Variants in ZBTB20 observed in about 807,000 individuals in gnomAD.
The protein encoded by ZBTB20 is zinc finger and BTB domain containing 20.
ZBTB20 carries 9 observed loss-of-function variants against 56.9 expected under a neutral mutation model. That is an observed-to-expected ratio of 0.16 (90% confidence interval 0.10 to 0.28). The LOEUF (loss-of-function observed/expected upper bound fraction) is 0.28. Ranked by LOEUF, ZBTB20 falls within the 10% of genes least tolerant of loss-of-function variation. The probability of loss-of-function intolerance (pLI) is 1.00; values close to 1 mark genes in which losing one functional copy is unlikely to be tolerated. For missense variants in ZBTB20, 655 were observed against 1,003.0 expected, an observed-to-expected ratio of 0.65 and a Z score of 4.69; for synonymous variants, 417 against 420.7, an observed-to-expected ratio of 0.99 and a Z score of 0.11.
At chr3:114,887,115 T>C (rs1255339004) in intron 4 of ZBTB20, among the ~76,000 whole-genome samples, 1 of 152,006 alleles carries the variant, frequency 6.6e-6, no homozygotes, top group Non-Finnish European at 1.5e-5. Flanking sequence ...AAGCTACCAG[T>C]CCCATTCCCA....
At chr3:114,806,076 C>T (rs2072081930) in intron 4 of ZBTB20, among the ~76,000 whole-genome samples, 1 of 151,834 alleles carries the variant, frequency 6.6e-6, no homozygotes, top group African/African-American at 2.4e-5. Flanking sequence ...TAAAATACGT[C>T]TCTGTGTGGA....
chr3:114,567,670 C>G (rs372684277), intron 6 of ZBTB20, among the ~76,000 whole-genome samples: 2 of 152,250 alleles, frequency 1.3e-5, no homozygotes, highest in South Asian at 4.1e-4. Context: ...CATATAACCC[C>G]TACATCACAC....
chr3:114,619,352 C>T (rs2702171), intron 6 of ZBTB20, among the ~76,000 whole-genome samples: 2,494 of 151,460 alleles, frequency 0.016, 69 homozygotes, highest in African/African-American at 0.058. Context: ...AATAAAGAGA[C>T]GAAAAGGAAT....
chr3:114,388,618 C>G (rs572497570), intron 8 of ZBTB20: 1 of 152,232 alleles, frequency 6.6e-6, no homozygotes, highest in Non-Finnish European at 1.5e-5. Flanking sequence ...ACAGATTTGA[C>G]CAGGGTGGCA....
intron 4 of ZBTB20, among the ~76,000 whole-genome samples, chr3:114,824,730 T>C (rs2073432935): frequency 6.6e-6 from 1 of 151,794 alleles, no homozygotes; most frequent in Non-Finnish European, 1.5e-5. Context: ...AAATAGAAGC[T>C]CAGAGAGCTA....
intron 5 of ZBTB20, among the ~76,000 whole-genome samples, chr3:114,778,184 A>G (rs1029269282): frequency 8.7e-5 from 13 of 150,168 alleles, no homozygotes; most frequent in African/African-American, 3.2e-4. Flanking sequence ...AACATGGCAC[A>G]TGTGTACATA....
rs1340417603 is a variant in ZBTB20 at position 114,333,055 on chromosome 3, CT to C, written c.*5949del. On this transcript the variant is annotated 3_prime_UTR_variant, in exon 12 of 12. Coordinates refer to ENST00000675478, the MANE Select transcript of ZBTB20 (RefSeq NM_001348800.3). ...ATCGGCTAAGGTACATTGCTGACTG[CT>C]ATAGACTCAGTGTTCAAGGAGAAAA... 2 of 152,170 alleles carry C rather than the reference CT, an allele frequency of 1.3e-5. No homozygotes were observed. The highest frequency in any genetic ancestry group is 4.8e-5 in the African/African-American group (2 of 41,428). The allele number at this position is 152,170 out of a possible 1,614,324, so 9.4% of individuals were successfully genotyped here. A position where few individuals can be genotyped will look rare whatever the true frequency, so the allele number is the denominator to read the frequency against.
At chr3:114,749,590 AGG>A (rs2067398645) in intron 5 of ZBTB20, among the ~76,000 whole-genome samples, 1 of 151,260 alleles carries the variant, frequency 6.6e-6, no homozygotes, top group Admixed American at 6.6e-5. Context: ...GAAGGAAGGA[AGG>A]AAGGAAGGAA....
chr3:115,024,970 G>T (rs1345440154), intron 2 of ZBTB20, among the ~76,000 whole-genome samples: 1 of 150,868 alleles, frequency 6.6e-6, no homozygotes, highest in Non-Finnish European at 1.5e-5. Context: ...TAAGTTCAGG[G>T]GTACAAGTAC....
intron 10 of ZBTB20, among the ~76,000 whole-genome samples, chr3:114,362,740 G>C (rs1422413583): frequency 6.6e-6 from 1 of 152,108 alleles, no homozygotes; most frequent in Non-Finnish European, 1.5e-5. Context: ...GTCAACAGAG[G>C]ATTCAGTGGA....
chr3:114,741,201 T>C (rs1441932728), intron 5 of ZBTB20, among the ~76,000 whole-genome samples: 1 of 152,146 alleles, frequency 6.6e-6, no homozygotes, highest in Non-Finnish European at 1.5e-5. Flanking sequence ...AGGCACAGTG[T>C]AAGATCCACA....
chr3:115,011,504 T>C (rs1181867768), intron 2 of ZBTB20, among the ~76,000 whole-genome samples: 4 of 151,868 alleles, frequency 2.6e-5, no homozygotes, highest in Non-Finnish European at 4.4e-5. Context: ...TGGCAGGTAA[T>C]ATTTAAAGTA....
chr3:114,703,889 A>G (rs1248745424), intron 5 of ZBTB20, among the ~76,000 whole-genome samples: 1 of 152,194 alleles, frequency 6.6e-6, no homozygotes, highest in Non-Finnish European at 1.5e-5. Flanking sequence ...AAGAGTTGCA[A>G]ATCACAGCCT....
chr3:115,008,718 C>G (rs1304248870), intron 2 of ZBTB20, among the ~76,000 whole-genome samples: 3 of 151,908 alleles, frequency 2.0e-5, no homozygotes, highest in African/African-American at 7.2e-5. Flanking sequence ...TTACTCCTCC[C>G]TGTCCCTGAT....
chr3:114,926,018 G>T (rs2076144678), intron 3 of ZBTB20, among the ~76,000 whole-genome samples: 3 of 152,172 alleles, frequency 2.0e-5, no homozygotes, highest in East Asian at 1.9e-4. Context: ...ATTTCAGTCT[G>T]CCCTGTGCAT....
chr3:115,097,351 G>T (rs556577039), intron 1 of ZBTB20, among the ~76,000 whole-genome samples: 3 of 151,754 alleles, frequency 2.0e-5, no homozygotes, highest in African/African-American at 7.2e-5. Flanking sequence ...GGTAGTTTTT[G>T]TATTTTTTTT....
At chr3:115,084,841 C>T (rs994694742) in intron 1 of ZBTB20, among the ~76,000 whole-genome samples, 1 of 151,926 alleles carries the variant, frequency 6.6e-6, no homozygotes, top group Non-Finnish European at 1.5e-5. Flanking sequence ...TCACAAACTG[C>T]AAAGATTAGG....
At position 115,001,648 on chromosome 3, in the gene ZBTB20, A is replaced by G. The variant is rs79392466; in HGVS notation, c.-506-27232T>C. Among the ~76,000 whole-genome samples the G allele has an allele frequency of 4.2e-3, 631 of 151,496 alleles. 5 individuals are homozygous for G. The highest frequency in any genetic ancestry group is 0.014 in the African/African-American group (589 of 41,464). On this transcript the variant is annotated intron_variant, in intron 2 of 11. Transcript: ENST00000675478. Reference sequence around the variant, plus strand: ...ATTGAAAGCACAACACCTACACTAAAACCAAAAAATTAAATAAATTCTTCA... The same window carrying G: ...ATTGAAAGCACAACACCTACACTAAGACCAAAAAATTAAATAAATTCTTCA...
At chr3:114,691,796 G>T (rs1275928097) in intron 6 of ZBTB20, among the ~76,000 whole-genome samples, 3 of 152,052 alleles carry the variant, frequency 2.0e-5, no homozygotes, top group African/African-American at 7.2e-5. Flanking sequence ...TTAAATTATA[G>T]AAATAATTAC....
Sources: gnomAD v4.1 joint callset for allele counts (sites outside exome capture counted in the v4.1 genomes callset) on GRCh38, gnomAD v4.1.1 for gene constraint, MANE v1.5 for transcripts, NCBI Gene and HGNC (gene_info 2026-07-23, HGNC 2026-07-21) for gene names.